The following FOXN3 variants were observed in gnomAD, a reference collection of about 807,000 sequenced individuals.
FOXN3 encodes forkhead box N3.
Under a neutral mutation model 38.4 loss-of-function variants are expected in FOXN3, and 7 were observed. The observed-to-expected ratio is 0.18, with a 90% CI of 0.10 to 0.34. The LOEUF (loss-of-function observed/expected upper bound fraction) is 0.34, where lower values mean the gene tolerates loss of function less well. FOXN3 is among the 10% of genes least tolerant of loss of function. FOXN3 has a pLI of 1.00. For missense variants in FOXN3, 456 were observed against 613.4 expected (o/e 0.74, Z 2.71); for synonymous variants, 230 against 242.2 (o/e 0.95, Z 0.47).
intron 4 of FOXN3, among the ~76,000 whole-genome samples, chr14:89,204,048 CCCTT>C (rs1888307375): frequency 7.8e-6 from 1 of 128,710 alleles, no homozygotes; most frequent in Non-Finnish European, 1.6e-5. Flanking sequence ...CAGGCATACT[CCCTT>C]ACACACACAC....
intron 1 of FOXN3, among the ~76,000 whole-genome samples, chr14:89,587,158 C>G (rs1231567569): frequency 1.3e-5 from 2 of 152,246 alleles, no homozygotes; most frequent in Non-Finnish European, 2.9e-5. Context: ...GGCAAAATTT[C>G]CTCTTTTTCG....
At chr14:89,207,068 T>C (rs1888404308) in intron 4 of FOXN3, among the ~76,000 whole-genome samples, 1 of 151,966 alleles carries the variant, frequency 6.6e-6, no homozygotes, top group East Asian at 1.9e-4. Flanking sequence ...TAGATAAATA[T>C]GGAAGGAGAA....
intron 4 of FOXN3, chr14:89,230,697 C>A: frequency 4.3e-6 from 1 of 235,284 alleles, no homozygotes; most frequent in Non-Finnish European, 9.0e-6. Flanking sequence ...ACTGATGAAT[C>A]CCAAGTATCA....
chr14:89,193,047 T>TTTAGAAAG (rs999311178), intron 4 of FOXN3, among the ~76,000 whole-genome samples: 23 of 152,014 alleles, frequency 1.5e-4, no homozygotes, highest in African/African-American at 5.3e-4. Context: ...TGCCCCTCGT[T>TTTAGAAAG]TTAGAAAGGG....
At chr14:89,608,135 T>C (rs1463775209) in intron 1 of FOXN3, among the ~76,000 whole-genome samples, 1 of 147,580 alleles carries the variant, frequency 6.8e-6, no homozygotes, top group Non-Finnish European at 1.5e-5. Flanking sequence ...CCCGCCACCA[T>C]GCCTGGCTAA....
intron 3 of FOXN3, 61 bp from the exon 4 acceptor site, chr14:89,281,075 C>T (rs1886448095): frequency 7.1e-7 from 1 of 1,402,364 alleles, no homozygotes; most frequent in Non-Finnish European, 1.0e-6. Flanking sequence ...ACCTGCAACC[C>T]CTTCCCACAC....
At chr14:89,293,007 C>G (rs1307157831) in intron 3 of FOXN3, among the ~76,000 whole-genome samples, 2 of 152,236 alleles carry the variant, frequency 1.3e-5, no homozygotes, top group Non-Finnish European at 2.9e-5. Context: ...GGACAGTCGG[C>G]TAGCTCTCTG....
chr14:89,501,558 T>G (rs1385768552), intron 1 of FOXN3, among the ~76,000 whole-genome samples: 1 of 152,128 alleles, frequency 6.6e-6, no homozygotes, highest in African/African-American at 2.4e-5. Flanking sequence ...CTCCTTCATT[T>G]TAAAGGAAAA....
intron 1 of FOXN3, among the ~76,000 whole-genome samples, chr14:89,611,678 T>C (rs368828660): frequency 7.7e-4 from 117 of 152,012 alleles, no homozygotes; most frequent in African/African-American, 2.4e-3. Context: ...TGGCAGCGGG[T>C]GCCTGTAGTC....
At chr14:89,276,820 G>A (rs1213664473) in intron 4 of FOXN3, among the ~76,000 whole-genome samples, 1 of 152,206 alleles carries the variant, frequency 6.6e-6, no homozygotes, top group Non-Finnish European at 1.5e-5. Context: ...AAAACTCCGT[G>A]GGGAGCTCTG....
intron 1 of FOXN3, among the ~76,000 whole-genome samples, chr14:89,517,255 C>T (rs1401746244): frequency 1.3e-5 from 2 of 149,696 alleles, no homozygotes; most frequent in East Asian, 4.1e-4. Context: ...CCCAGGTACT[C>T]GGGAGGCTGA....
rs185593391 is a variant in FOXN3 at position 89,355,103 on chromosome 14, G to A, written c.544-4295C>T. ...CTTTTAAAATTAAAAACCACCTGGG[G>A]GAATAAAAATCAACTCTCTATTAAA... On this transcript the variant is annotated intron_variant, in intron 2 of 5. Coordinates refer to ENST00000557258, the MANE Select transcript of FOXN3 (RefSeq NM_005197.4). 1.1e-3 allele frequency: 168 copies of A among 149,464 alleles called. 2 individuals carry two copies. Among genetic ancestry groups the A allele is most frequent in the African/African-American group, 3.9e-3 (159 of 40,606 alleles). The allele number at this position is 149,464 out of a possible 1,614,324, so 9.3% of individuals were successfully genotyped here. A position where few individuals can be genotyped will look rare whatever the true frequency, so the allele number is the denominator to read the frequency against.
At chr14:89,232,744 C>T (rs778092641) in intron 4 of FOXN3, among the ~76,000 whole-genome samples, 4 of 152,166 alleles carry the variant, frequency 2.6e-5, no homozygotes, top group East Asian at 1.9e-4. Flanking sequence ...GCCAGCCTTA[C>T]GAGACATAAT....
At chr14:89,276,414 G>A (rs1189382526) in intron 4 of FOXN3, among the ~76,000 whole-genome samples, 1 of 152,210 alleles carries the variant, frequency 6.6e-6, no homozygotes, top group Non-Finnish European at 1.5e-5. Context: ...CTATAGTGAC[G>A]GAGAAAAGGA....
intron 2 of FOXN3, among the ~76,000 whole-genome samples, chr14:89,357,822 C>T (rs1423557774): frequency 2.6e-5 from 4 of 152,132 alleles, no homozygotes; most frequent in Non-Finnish European, 5.9e-5. Flanking sequence ...TGCCTAACGA[C>T]GTATTTCTCA....
chr14:89,180,511 C>G (rs1020595397), intron 5 of FOXN3, among the ~76,000 whole-genome samples, 190 bp downstream of exon 5: 10 of 152,180 alleles, frequency 6.6e-5, no homozygotes, highest in African/African-American at 2.4e-4. Context: ...TCTGGTGGCC[C>G]GAGAAAGAGA....
At position 89,481,190 on chromosome 14, in the gene FOXN3, A is replaced by C. The variant is rs1190034874; in HGVS notation, c.-14-68700T>G. 2.6e-5 allele frequency among the ~76,000 whole-genome samples: 4 copies of C among 152,030 alleles called. No individual in the cohort carries two copies. In the East Asian group the frequency reaches 7.7e-4, roughly 29 times the overall value. On this transcript the variant is annotated intron_variant, in intron 1 of 6. Coordinates refer to the FOXN3 transcript ENST00000345097. ...AGGGGCCTGTTTGGATTCTCTGCAC[A>C]GCACATGGCAAGTCTTCACTGGCTG...
At chr14:89,283,315 C>T (rs1886515556) in intron 3 of FOXN3, among the ~76,000 whole-genome samples, 1 of 152,168 alleles carries the variant, frequency 6.6e-6, no homozygotes, top group Non-Finnish European at 1.5e-5. Context: ...TCATACTTAC[C>T]TGGCTCCAAA....
intron 3 of FOXN3, among the ~76,000 whole-genome samples, chr14:89,322,882 C>G (rs978956668): frequency 1.3e-5 from 2 of 152,144 alleles, no homozygotes; most frequent in African/African-American, 4.8e-5. Context: ...CCTAAGGATA[C>G]AGCAGAGAGC....
Sources: allele counts gnomAD v4.1 joint callset (sites outside exome capture counted in the v4.1 genomes callset), GRCh38; gene constraint gnomAD v4.1.1; transcripts MANE v1.5; gene names NCBI Gene and HGNC (gene_info 2026-07-23, HGNC 2026-07-21).